Variants in ESCO2 observed in about 807,000 individuals in gnomAD.
The protein encoded by ESCO2 is N-acetyltransferase ESCO2.
A neutral mutation model predicts 61.7 loss-of-function variants in ESCO2; 51 were observed. The ratio of observed to expected loss-of-function variants is 0.83; its 90% CI spans 0.66 to 1.04. ESCO2 has a LOEUF of 1.04. Among genes scored for constraint, ESCO2 ranks in the 50% least tolerant of loss-of-function variants. ESCO2 has a pLI of 0.00. For missense variants in ESCO2, 692 were observed against 686.2 expected (o/e 1.01, Z -0.09); for synonymous variants, 230 against 238.2 (o/e 0.97, Z 0.32).
rs1372689967 is a variant in ESCO2 at position 27,791,564 on chromosome 8, G to A, written c.1264-399G>A. On this transcript the variant is annotated intron_variant, in intron 7 of 10. Coordinates refer to ENST00000305188, the MANE Select transcript of ESCO2 (RefSeq NM_001017420.3). ...GTCTTGTCAAGCATAAGGGACAAACGTATAAGGACTTTTACTTAGCCTTTT... is the reference window on the plus strand; with the variant it reads ...GTCTTGTCAAGCATAAGGGACAAACATATAAGGACTTTTACTTAGCCTTTT... 3.9e-5 allele frequency among the ~76,000 whole-genome samples: 6 copies of A among 152,230 alleles called. 1 individual carries two copies. The highest frequency in any genetic ancestry group is 6.8e-3 in the Middle Eastern group (2 of 294).
chr8:27,793,479 G>GTTTTTTTTTTTTTTTTTTTT (rs67670087), intron 9 of ESCO2, among the ~76,000 whole-genome samples: 5 of 125,508 alleles, frequency 4.0e-5, no homozygotes, highest in Non-Finnish European at 5.0e-5. Flanking sequence ...CTTTTTCTTT[G>GTTTTTTTTTTTTTTTTTTTT]TTTTTTTTTT....
At chr8:27,787,187 T>C (rs1205402865) in intron 5 of ESCO2, among the ~76,000 whole-genome samples, 3 of 152,176 alleles carry the variant, frequency 2.0e-5, no homozygotes, top group African/African-American at 7.2e-5. Flanking sequence ...TTAAATACCA[T>C]ATGGGCCAAC....
At chr8:27,808,652 T>C (rs1328657454), downstream of ESCO2, among the ~76,000 whole-genome samples, 4 of 131,576 alleles carry the variant, frequency 3.0e-5, no homozygotes, top group Admixed American at 3.4e-4. Flanking sequence ...CCCACTGTAC[T>C]CCAGCCTGAG....
intron 2 of ESCO2, 53 bp from the exon 3 acceptor site, chr8:27,776,309 T>C (rs2128950996): frequency 1.4e-6 from 2 of 1,454,766 alleles, no homozygotes; most frequent in Non-Finnish European, 9.5e-7. Context: ...AGTAGATTTA[T>C]GTAAATTTTG....
intron 10 of ESCO2, among the ~76,000 whole-genome samples, chr8:27,802,633 ATATATATATATATATATATATATTATAT>A (rs1805467288): frequency 1.9e-5 from 1 of 53,858 alleles, no homozygotes; most frequent in African/African-American, 8.8e-5. Flanking sequence ...AAAAAAAAAT[ATATATATATATATATATATATATTATAT>A]ATATATATAT....
intron 10 of ESCO2, among the ~76,000 whole-genome samples, chr8:27,802,062 T>G (rs564463816): frequency 8.3e-5 from 12 of 144,958 alleles, no homozygotes; most frequent in Non-Finnish European, 1.8e-4. Context: ...CTGGAACAAT[T>G]TCTCAGTCTT....
chr8:27,787,795 AT>A, intron 5 of ESCO2, 89 bp from the exon 6 acceptor site: 1 of 978,918 alleles, frequency 1.0e-6, no homozygotes. Flanking sequence ...AGCACTAAAA[AT>A]TGCAAGGTAC....
intron 9 of ESCO2, among the ~76,000 whole-genome samples, chr8:27,796,513 TTTC>T (rs2128956953): frequency 6.6e-6 from 1 of 152,300 alleles, no homozygotes; most frequent in African/African-American, 2.4e-5. Context: ...ACTTGAGATC[TTTC>T]TTCTTTTTTT....
upstream of ESCO2, chr8:27,774,329 C>T (rs1473163019): frequency 1.3e-5 from 2 of 152,164 alleles, no homozygotes; most frequent in African/African-American, 2.4e-5. Context: ...AAACAAGGCC[C>T]CGGGAACGGA....
chr8:27,798,576 T>G (rs907864428), intron 9 of ESCO2, among the ~76,000 whole-genome samples: 7 of 152,304 alleles, frequency 4.6e-5, no homozygotes, highest in African/African-American at 1.7e-4. Flanking sequence ...ACAAGAATGT[T>G]AATAGCAGCT....
Position 27,792,679 on chromosome 8 carries a change from C to G in ESCO2, c.1365C>G (p.Val455=). 6.2e-7 allele frequency: 1 copy of G among 1,612,438 alleles called. No homozygotes were observed. The highest frequency in any genetic ancestry group is 1.1e-5 in the South Asian group (1 of 90,782). ...PSFAIKKVED[V]QELVDNELGF... is the part of the protein sequence containing the mutation. ...TTTAAAATCATTAGGTAGAAGATGT[C>G]CAAGAACTTGTTGATAATGAATTGG... The change falls in exon 9 of 11, where the codon GTC becomes GTG. Residue 455 remains valine, a synonymous_variant. Transcript: ENST00000305188.
chr8:27,786,584 C>A (rs1805046915), intron 5 of ESCO2, among the ~76,000 whole-genome samples: 1 of 152,190 alleles, frequency 6.6e-6, no homozygotes, highest in Non-Finnish European at 1.5e-5. Context: ...TGGCCTCCAA[C>A]AATAGCATTT....
At chr8:27,819,614 G>C in the ESCO2 span, among the ~76,000 whole-genome samples, 2 of 151,950 alleles carry the variant, frequency 1.3e-5, no homozygotes, top group African/African-American at 4.8e-5. Context: ...TTTTTTGTGT[G>C]ATCTAAGAAT....
chr8:27,808,313 T>A, downstream of ESCO2: 25 of 744,364 alleles, frequency 3.4e-5, no homozygotes, highest in Non-Finnish European at 4.4e-5. Context: ...CTTCTACAGA[T>A]TCTAAAGGGA....
chr8:27,772,460 G>T, upstream of ESCO2: 1 of 1,538,538 alleles, frequency 6.5e-7, no homozygotes, highest in Non-Finnish European at 8.8e-7. Context: ...TGCGGGTCCC[G>T]GCTTCGGAGC....
downstream of ESCO2, among the ~76,000 whole-genome samples, chr8:27,816,802 T>C (rs1255820907): frequency 6.6e-6 from 1 of 152,164 alleles, no homozygotes; most frequent in Non-Finnish European, 1.5e-5. Flanking sequence ...TTTTATACTC[T>C]GTTTATCTCA....
intron 4 of ESCO2, among the ~76,000 whole-genome samples, chr8:27,782,855 A>G (rs1010870491): frequency 1.4e-4 from 21 of 152,246 alleles, no homozygotes; most frequent in African/African-American, 4.3e-4. Flanking sequence ...TACTTAGGAC[A>G]GCTTCTCTTT....
intron 5 of ESCO2, among the ~76,000 whole-genome samples, chr8:27,786,981 C>A (rs925660912): frequency 1.3e-5 from 2 of 151,874 alleles, no homozygotes; most frequent in Non-Finnish European, 2.9e-5. Context: ...ACCTACAGAA[C>A]CAGCAGGCTG....
chr8:27,773,314 G>A (rs1462690229), upstream of ESCO2, among the ~76,000 whole-genome samples: 1 of 152,154 alleles, frequency 6.6e-6, no homozygotes, highest in Non-Finnish European at 1.5e-5. Flanking sequence ...GTTTAACAAT[G>A]TCTAGCCAAT....
Sources: gnomAD v4.1 joint callset for allele counts (sites outside exome capture counted in the v4.1 genomes callset) on GRCh38, gnomAD v4.1.1 for gene constraint, MANE v1.5 for transcripts, NCBI Gene and HGNC (gene_info 2026-07-23, HGNC 2026-07-21) for gene names.